ABCB11: variants seen among roughly 807,000 people sequenced by gnomAD.
The protein encoded by ABCB11 is bile salt export pump.
A neutral mutation model predicts 148.0 loss-of-function variants in ABCB11; 95 were observed. That is an observed-to-expected ratio of 0.64 (90% CI 0.54 to 0.76). ABCB11 has a LOEUF of 0.76. Among genes scored for constraint, ABCB11 ranks in the 30% least tolerant of loss-of-function variants. ABCB11 has a pLI of 0.00. For missense variants in ABCB11, 1,523 were observed against 1,617.8 expected, an observed-to-expected ratio of 0.94 and a Z score of 1.01; for synonymous variants, 591 against 555.4, an observed-to-expected ratio of 1.06 and a Z score of -0.90.
chr2:168,972,235 C>T (rs991002003), intron 13 of ABCB11, among the ~76,000 whole-genome samples, 185 bp from the exon 14 acceptor site: 1 of 151,996 alleles, frequency 6.6e-6, no homozygotes, highest in Non-Finnish European at 1.5e-5. Context: ...TCAAGTATAG[C>T]TGCAGAACAA....
chr2:168,967,240 C>T lies in ABCB11; in HGVS notation c.2075+1187G>A, dbSNP rs750021218. On this transcript the variant is annotated intron_variant, in intron 17 of 27. Coordinates refer to ENST00000650372, the MANE Select transcript of ABCB11 (RefSeq NM_003742.4). ...CAGGTGCCTATAACATTGTTTTATA[C>T]CTTTTACATGACAGAGTAATGTGAA... Among the ~76,000 whole-genome samples the T allele has an allele frequency of 5.9e-5, 9 of 151,788 alleles. 1 individual carries two copies. The highest frequency in any genetic ancestry group is 2.0e-4 in the Admixed American group (3 of 15,212).
chr2:168,959,120 A>G (rs1692935890), intron 18 of ABCB11, among the ~76,000 whole-genome samples: 2 of 151,722 alleles, frequency 1.3e-5, no homozygotes, highest in Admixed American at 1.3e-4. Context: ...CTTTGCTTAC[A>G]AAGTCAAAGA....
chr2:168,964,417 T>C lies in ABCB11; in HGVS notation c.2076-109A>G, dbSNP rs866562961. The C allele has an allele frequency of 3.2e-5, 29 of 898,138 alleles. No homozygotes were observed. In the African/African-American group the frequency reaches 4.3e-4, roughly 13 times the overall value. 55.6% of individuals were successfully genotyped at this position (898,138 alleles called of 1,614,324 possible). A position where few individuals can be genotyped will look rare whatever the true frequency, so the allele number is the denominator to read the frequency against. On this transcript the variant is annotated intron_variant, in intron 17 of 27. Coordinates refer to ENST00000650372, the MANE Select transcript of ABCB11 (RefSeq NM_003742.4). The stretch of plus-strand genomic sequence containing the variant: ...ATGTCAAATAAATAGAAATGTTTGG[T>C]AGGTCACATGGTAACCAGGAAAGGG...
intron 10 of ABCB11, among the ~76,000 whole-genome samples, chr2:168,985,155 A>G (rs1694270213): frequency 6.6e-6 from 1 of 152,210 alleles, no homozygotes; most frequent in Admixed American, 6.6e-5. Flanking sequence ...AATGCTCAAC[A>G]TCACTAATGA....
At chr2:168,977,403 T>C (rs1198657507) in intron 11 of ABCB11, among the ~76,000 whole-genome samples, 1 of 152,064 alleles carries the variant, frequency 6.6e-6, no homozygotes, top group Admixed American at 6.6e-5. Flanking sequence ...AACTGAGTGT[T>C]CCTAAATGAT....
At chr2:168,945,077 A>G in intron 19 of ABCB11, 116 bp from the exon 20 acceptor site, 1 of 691,534 alleles carries the variant, frequency 1.4e-6, no homozygotes. Context: ...CAAATTCATA[A>G]AATATACAAC....
chr2:168,955,669 A>G (rs1327400980), intron 19 of ABCB11, among the ~76,000 whole-genome samples: 1 of 151,600 alleles, frequency 6.6e-6, no homozygotes, highest in Non-Finnish European at 1.5e-5. Flanking sequence ...TGTCCTTCTT[A>G]CATTTCAAAA....
In ABCB11 at chr2:168,923,394, C is replaced by T; in HGVS notation, c.*228G>A. The T allele has an allele frequency of 3.4e-6, 2 of 588,428 alleles. No individual in the cohort carries two copies. The highest frequency in any genetic ancestry group is 6.0e-6 in the Non-Finnish European group (2 of 333,776). 36.5% of individuals were successfully genotyped at this position (588,428 alleles called of 1,614,324 possible). A position where few individuals can be genotyped will look rare whatever the true frequency, so the allele number is the denominator to read the frequency against. On this transcript the variant is annotated 3_prime_UTR_variant, in exon 28 of 28. Transcript: ENST00000650372. ...CATTGGGTTTTCCCTCATATGGACC[C>T]TAGTTTCTTTCATTTTCTGTATACA...
chr2:168,953,751 G>C lies in ABCB11; in HGVS notation c.2343+4213C>G, dbSNP rs1240212009. ...AAAGAGAAAAGTCAAATCGGGAACT[G>C]CTTAGGGCAAACCTGCGTCCCATTC... On this transcript the variant is annotated intron_variant, in intron 19 of 27. Coordinates refer to ENST00000650372, the MANE Select transcript of ABCB11 (RefSeq NM_003742.4). Among the ~76,000 whole-genome samples the C allele has an allele frequency of 2.0e-5, 3 of 151,542 alleles. No homozygotes were observed. In the East Asian group the frequency reaches 5.9e-4, roughly 30 times the overall value.
chr2:168,957,079 T>C (rs1482489946), intron 19 of ABCB11, among the ~76,000 whole-genome samples: 3 of 151,562 alleles, frequency 2.0e-5, no homozygotes, highest in African/African-American at 7.3e-5. Flanking sequence ...TGATTCCTCT[T>C]CATGGAGAAG....
At chr2:168,938,706 T>C (rs1183296658) in intron 21 of ABCB11, among the ~76,000 whole-genome samples, 7 of 152,188 alleles carry the variant, frequency 4.6e-5, no homozygotes, top group Admixed American at 4.6e-4. Context: ...TACCACAATT[T>C]TTTTTAAAAA....
intron 19 of ABCB11, among the ~76,000 whole-genome samples, chr2:168,952,663 T>C (rs1692617583): frequency 6.7e-6 from 1 of 148,238 alleles, no homozygotes; most frequent in African/African-American, 2.5e-5. Context: ...AATTTTTTGT[T>C]TCATTGCTCC....
At chr2:169,016,207 C>A (rs1486753414) in intron 3 of ABCB11, among the ~76,000 whole-genome samples, 1 of 152,186 alleles carries the variant, frequency 6.6e-6, no homozygotes, top group Non-Finnish European at 1.5e-5. Context: ...AATCTTACCA[C>A]TCCCACTTCC....
In ABCB11 at chr2:168,963,933, G is replaced by A. The variant is rs1287481679; in HGVS notation, c.2178+273C>T. On this transcript the variant is annotated intron_variant, in intron 18 of 27. Coordinates refer to ENST00000650372, the MANE Select transcript of ABCB11 (RefSeq NM_003742.4). ...AATATCTAGAATTCACACATTCTGT[G>A]TTTGTTAGAATAGTTTGTCTAAGAC... 5.3e-5 allele frequency among the ~76,000 whole-genome samples: 8 copies of A among 151,810 alleles called. No individual in the cohort carries two copies. The South Asian group carries it at 8.3e-4, about 16-fold the overall frequency.
chr2:168,969,510 C>T lies in ABCB11; in HGVS notation c.1851G>A (p.Leu617=). ...TGGTATCTGCAGCTCTGACCGTAGACAAGCGATGAGCAACTGAAATGATTG... is the reference window on the plus strand; with the variant it reads ...TGGTATCTGCAGCTCTGACCGTAGATAAGCGATGAGCAACTGAAATGATTG... The part of the protein sequence containing the change: ...GHTIISVAHR[L]STVRAADTII... The change falls in exon 16 of 28, where the codon TTG becomes TTA. Residue 617 remains leucine (L), a synonymous_variant. Transcript: ENST00000650372. 1 of 1,612,544 alleles carries T rather than the reference C, an allele frequency of 6.2e-7. No homozygotes were observed. The highest frequency in any genetic ancestry group is 1.3e-5 in the African/African-American group (1 of 74,910).
intron 12 of ABCB11, 36 bp downstream of exon 12, chr2:168,976,541 A>G (rs1356188267): frequency 1.6e-6 from 2 of 1,233,270 alleles, no homozygotes; most frequent in Admixed American, 4.4e-5. Flanking sequence ...CGAAGAAGAA[A>G]ACATTTACTA....
chr2:169,016,738 T>C (rs1462071121), intron 3 of ABCB11, 40 bp downstream of exon 3: 8 of 1,550,596 alleles, frequency 5.2e-6, no homozygotes, highest in Non-Finnish European at 7.1e-6. Flanking sequence ...TATGGAGTTA[T>C]TCTAGAAAAG....
At position 168,970,180 on chromosome 2, in the gene ABCB11, C is replaced by T. The variant is rs11568369; in HGVS notation, c.1674G>A (p.Gln558=). The T allele has an allele frequency of 1.6e-5, 25 of 1,612,386 alleles. No homozygotes were observed. The highest frequency in any genetic ancestry group is 2.0e-5 in the Non-Finnish European group (23 of 1,179,090). The change falls in exon 15 of 28, where the codon CAG becomes CAA. Residue 558 remains glutamine (Q), a synonymous_variant. Coordinates refer to ENST00000650372, the MANE Select transcript of ABCB11 (RefSeq NM_003742.4). Reference sequence around the variant, plus strand: ...CCCTTTGTTTCTGGCCACCACTCATCTGGCCTCCTCCTTCTCCAACAAGGG... The same window carrying T: ...CCCTTTGTTTCTGGCCACCACTCATTTGGCCTCCTCCTTCTCCAACAAGGG... ...FDTLVGEGGG[Q]MSGGQKQRVA...
At position 168,985,670 on chromosome 2, in the gene ABCB11, T is replaced by C. The variant is rs144363433; in HGVS notation, c.1083+440A>G. ...ACCTGGATGGGATTGGAGACTGTTA[T>C]TCTAAGTAAAGTAACTCAGGAATGG... is the stretch of plus-strand genomic sequence containing the variant. On this transcript the variant is annotated intron_variant, in intron 10 of 27. Coordinates refer to ENST00000650372, the MANE Select transcript of ABCB11 (RefSeq NM_003742.4). 8.1e-3 allele frequency among the ~76,000 whole-genome samples: 1,228 copies of C among 152,236 alleles called. 24 individuals are homozygous for C. Among genetic ancestry groups the C allele is most frequent in the African/African-American group, 0.028 (1,154 of 41,528 alleles).
Sources: gnomAD v4.1 joint callset for allele counts (sites outside exome capture counted in the v4.1 genomes callset) on GRCh38, gnomAD v4.1.1 for gene constraint, MANE v1.5 for transcripts, NCBI Gene and HGNC (gene_info 2026-07-23, HGNC 2026-07-21) for gene names.